RHBDL3: variants seen among roughly 807,000 people sequenced by gnomAD.
RHBDL3 encodes rhomboid like 3, also known as rhomboid-related protein 3.
Under a neutral mutation model 48.2 loss-of-function variants are expected in RHBDL3, and 28 were observed. The ratio of observed to expected loss-of-function variants is 0.58; its 90% CI spans 0.43 to 0.80. The LOEUF (loss-of-function observed/expected upper bound fraction) is 0.80, where lower values mean the gene tolerates loss of function less well. Among genes scored for constraint, RHBDL3 ranks in the 30% least tolerant of loss-of-function variants. RHBDL3 has a pLI of 0.00. For synonymous variants in RHBDL3, 208 were observed against 232.3 expected, an observed-to-expected ratio of 0.90 and a Z score of 0.95; for missense variants, 464 against 542.7, an observed-to-expected ratio of 0.85 and a Z score of 1.44.
intron 8 of RHBDL3, among the ~76,000 whole-genome samples, chr17:32,318,678 C>T (rs2041033293): frequency 6.6e-6 from 1 of 151,960 alleles, no homozygotes; most frequent in Non-Finnish European, 1.5e-5. Context: ...TTCAAATGTC[C>T]CACATGTTAG....
chr17:32,287,777 A>C (rs187996426), intron 3 of RHBDL3, among the ~76,000 whole-genome samples: 8 of 152,260 alleles, frequency 5.3e-5, no homozygotes, highest in Non-Finnish European at 1.2e-4. Context: ...AAACATAGGG[A>C]CAGCTGAGGT....
At chr17:32,274,828 ATG>A (rs574664170) in intron 2 of RHBDL3, among the ~76,000 whole-genome samples, 21 of 151,838 alleles carry the variant, frequency 1.4e-4, no homozygotes, top group African/African-American at 2.2e-4. Context: ...ATGAGTGTGC[ATG>A]TGTGTGTATG....
At chr17:32,283,227 T>C (rs1359688324) in intron 2 of RHBDL3, among the ~76,000 whole-genome samples, 4 of 151,932 alleles carry the variant, frequency 2.6e-5, no homozygotes, top group Non-Finnish European at 2.9e-5. Context: ...TTAAAAGTGT[T>C]GCTGTGGGCA....
intron 3 of RHBDL3, among the ~76,000 whole-genome samples, chr17:32,286,604 T>G (rs997592801): frequency 1.3e-5 from 2 of 152,242 alleles, no homozygotes; most frequent in Non-Finnish European, 2.9e-5. Context: ...ATTTTTGATG[T>G]CTCTTAATGT....
At chr17:32,314,965 C>T (rs2040936458) in intron 7 of RHBDL3, among the ~76,000 whole-genome samples, 1 of 152,244 alleles carries the variant, frequency 6.6e-6, no homozygotes, top group African/African-American at 2.4e-5. Context: ...GTGGCCCACA[C>T]TTCACTTTCT....
At chr17:32,272,037 C>G (rs542999250) in intron 2 of RHBDL3, among the ~76,000 whole-genome samples, 3 of 152,316 alleles carry the variant, frequency 2.0e-5, no homozygotes, top group South Asian at 2.1e-4. Flanking sequence ...CTCTCTGAGC[C>G]TCAGTTTCTT....
intron 3 of RHBDL3, among the ~76,000 whole-genome samples, chr17:32,285,816 C>T (rs1368784192): frequency 6.6e-6 from 1 of 152,208 alleles, no homozygotes; most frequent in African/African-American, 2.4e-5. Context: ...TTCAAAGGCA[C>T]CAGTGATGGG....
At position 32,321,782 on chromosome 17, in the gene RHBDL3, C is replaced by G; in HGVS notation, c.*553C>G. On this transcript the variant is annotated 3_prime_UTR_variant, in exon 9 of 9. Coordinates refer to ENST00000269051, the MANE Select transcript of RHBDL3 (RefSeq NM_138328.3). ...GACCTGGCTGAAACCAGGGTGCCCT[C>G]CTGGGCTGGTTGGTGTGCACCGGGG... 1 of 213,488 alleles carries G rather than the reference C, an allele frequency of 4.7e-6. No individual in the cohort carries two copies. Among genetic ancestry groups the G allele is most frequent in the Non-Finnish European group, 9.6e-6 (1 of 104,696 alleles). The allele number at this position is 213,488 out of a possible 1,614,324, so 13.2% of individuals were successfully genotyped here.
chr17:32,308,672 G>C (rs1050667848), intron 7 of RHBDL3, among the ~76,000 whole-genome samples: 2 of 152,210 alleles, frequency 1.3e-5, no homozygotes, highest in African/African-American at 4.8e-5. Flanking sequence ...AAAACTCATC[G>C]TCTCATTAAA....
Position 32,297,652 on chromosome 17 carries a change from C to CTT in RHBDL3, c.669-412_669-411dup, listed in dbSNP as rs71362824. On this transcript the variant is annotated intron_variant, in intron 5 of 8. Transcript: ENST00000269051. ...ATGTTAACTGATGGAGTTGCTGGAT[C>CTT]TTTTTTTTTTTTTTTTTTTTTTTTT... Among the ~76,000 whole-genome samples the CTT allele has an allele frequency of 1.8e-3, 90 of 50,982 alleles. 9 individuals carry two copies. Among genetic ancestry groups the CTT allele is most frequent in the African/African-American group, 2.7e-3 (38 of 14,162 alleles). 33.4% of individuals were successfully genotyped at this position (50,982 alleles called of 152,430 possible). A position where few individuals can be genotyped will look rare whatever the true frequency, so the allele number is the denominator to read the frequency against.
chr17:32,291,725 G>A (rs921489424), intron 4 of RHBDL3, among the ~76,000 whole-genome samples: 1 of 151,052 alleles, frequency 6.6e-6, no homozygotes, highest in Non-Finnish European at 1.5e-5. Flanking sequence ...GGGGTTGCTG[G>A]AGAAACAAAT....
chr17:32,292,696 G>A (rs2040358298), intron 4 of RHBDL3, among the ~76,000 whole-genome samples: 1 of 151,888 alleles, frequency 6.6e-6, no homozygotes. Flanking sequence ...CAGCTACTTG[G>A]GAGGCTGAGG....
In RHBDL3 at chr17:32,288,951, T is replaced by C. The variant is rs143318396; in HGVS notation, c.454T>C (p.Trp152Arg). Residue 152 changes from tryptophan (W) to arginine (R), a missense_variant, in exon 4 of 9, where the codon TGG (tryptophan) becomes CGG (arginine). Transcript: ENST00000269051. The part of the protein sequence containing the change: ...ETLPREIDRK[W>R]YYDSYTCCPP... The stretch of plus-strand genomic sequence containing the variant: ...CCTGCCCCGGGAAATTGACCGCAAG[T>C]GGTACTATGACAGCTACACCTGCTG... The C allele has an allele frequency of 6.2e-7, 1 of 1,614,108 alleles. No homozygotes were observed. The highest frequency in any genetic ancestry group is 1.3e-5 in the African/African-American group (1 of 75,036).
intron 6 of RHBDL3, among the ~76,000 whole-genome samples, chr17:32,301,533 G>A (rs774071498): frequency 2.7e-5 from 4 of 150,776 alleles, no homozygotes; most frequent in Non-Finnish European, 5.9e-5. Context: ...TAGAATAAAG[G>A]AAAGTTGGCG....
chr17:32,281,462 T>G (rs2040044024), intron 2 of RHBDL3, among the ~76,000 whole-genome samples: 1 of 152,056 alleles, frequency 6.6e-6, no homozygotes, highest in African/African-American at 2.4e-5. Flanking sequence ...CTGCACAAGC[T>G]GTGCCGCAGA....
intron 2 of RHBDL3, 24 bp from the exon 3 acceptor site, chr17:32,284,635 T>TG: frequency 6.2e-7 from 1 of 1,611,700 alleles, no homozygotes; most frequent in Non-Finnish European, 8.5e-7. Context: ...CTGCTGACCC[T>TG]GCTGCTGTCT....
intron 7 of RHBDL3, among the ~76,000 whole-genome samples, chr17:32,311,905 T>G (rs1050161621): frequency 7.2e-5 from 11 of 152,218 alleles, no homozygotes; most frequent in African/African-American, 2.4e-4. Context: ...GGGGCAGTTG[T>G]TATCTCAAAT....
intron 4 of RHBDL3, among the ~76,000 whole-genome samples, chr17:32,289,275 G>A (rs186010700): frequency 4.6e-5 from 7 of 152,060 alleles, no homozygotes; most frequent in East Asian, 3.9e-4. Context: ...CCAAATCCCC[G>A]TAGGACCACT....
chr17:32,322,782 C>T lies in RHBDL3; in HGVS notation c.*1553C>T, dbSNP rs1045494301. ...CCCTCCTAACAGGAGCTGGTGCAGGCCCCGAATGGAGGGCATGAGGATGAC... is the reference window on the plus strand; with the variant it reads ...CCCTCCTAACAGGAGCTGGTGCAGGTCCCGAATGGAGGGCATGAGGATGAC... On this transcript the variant is annotated 3_prime_UTR_variant, in exon 9 of 9. Transcript: ENST00000269051. 2.0e-5 allele frequency: 3 copies of T among 152,310 alleles called. No individual in the cohort carries two copies. The highest frequency in any genetic ancestry group is 6.5e-5 in the Admixed American group (1 of 15,274). The allele number at this position is 152,310 out of a possible 1,614,324, so 9.4% of individuals were successfully genotyped here.
Sources: gnomAD v4.1 joint callset for allele counts (sites outside exome capture counted in the v4.1 genomes callset) on GRCh38, gnomAD v4.1.1 for gene constraint, MANE v1.5 for transcripts, NCBI Gene and HGNC (gene_info 2026-07-23, HGNC 2026-07-21) for gene names.